Variants in MPRIP observed in about 807,000 individuals in gnomAD.
The protein encoded by MPRIP is myosin phosphatase Rho interacting protein.
MPRIP carries 59 observed loss-of-function variants against 234.9 expected under a neutral mutation model. The observed-to-expected ratio is 0.25, with a 90% CI of 0.20 to 0.31. The LOEUF is 0.31. Among genes scored for constraint, MPRIP ranks in the 10% least tolerant of loss-of-function variants. The probability of loss-of-function intolerance (pLI) is 1.00; values close to 1 mark genes in which losing one functional copy is unlikely to be tolerated. For synonymous variants in MPRIP, 1,144 were observed against 1,263.9 expected, an observed-to-expected ratio of 0.91 and a Z score of 2.01; for missense variants, 2,436 against 3,071.0, an observed-to-expected ratio of 0.79 and a Z score of 4.89.
chr17:17,095,336 C>G (rs1000140096), intron 3 of MPRIP, among the ~76,000 whole-genome samples: 1 of 152,130 alleles, frequency 6.6e-6, no homozygotes, highest in Admixed American at 6.5e-5. Flanking sequence ...GTAGGAATAT[C>G]GACTGGCAGG....
chr17:17,162,680 A>G (rs1206345709), intron 15 of MPRIP, among the ~76,000 whole-genome samples: 1 of 152,218 alleles, frequency 6.6e-6, no homozygotes, highest in African/African-American at 2.4e-5. Context: ...CTGGCTTCAA[A>G]TCAGGTAGTA....
At chr17:17,117,231 C>T (rs540222563) in intron 3 of MPRIP, among the ~76,000 whole-genome samples, 3 of 152,358 alleles carry the variant, frequency 2.0e-5, no homozygotes, top group South Asian at 2.1e-4. Flanking sequence ...AAGCAGCAGG[C>T]GGCACGGGTG....
chr17:17,184,732 C>A (rs2046440426), intron 23 of MPRIP, 91 bp from the exon 24 acceptor site: 2 of 938,148 alleles, frequency 2.1e-6, no homozygotes, highest in Non-Finnish European at 3.4e-6. Context: ...CTGATGCCGG[C>A]TCCACCAGCG....
At chr17:17,074,496 A>C (rs4073940) in intron 1 of MPRIP, among the ~76,000 whole-genome samples, 19,384 of 152,194 alleles carry the variant, frequency 0.13, 1,955 homozygotes, top group African/African-American at 0.27. Flanking sequence ...TATAATTCAC[A>C]TATCTTAAGA....
At chr17:17,053,095 G>C (rs906396186) in intron 1 of MPRIP, among the ~76,000 whole-genome samples, 1 of 152,034 alleles carries the variant, frequency 6.6e-6, no homozygotes, top group Admixed American at 6.5e-5. Context: ...AGGCTCAGGA[G>C]CCTCAGGGCC....
At position 17,173,422 on chromosome 17, in the gene MPRIP, G is replaced by A. The variant is rs144253948; in HGVS notation, c.6591-494G>A. On this transcript the variant is annotated intron_variant, in intron 18 of 23. Coordinates refer to ENST00000651222, the MANE Select transcript of MPRIP (RefSeq NM_001364716.4). ...TCAGCAGCACCCTGTAGAGGCTCAC[G>A]CTGACCTTGGTCAGAGCAGGGTGGC... Among the ~76,000 whole-genome samples the A allele has an allele frequency of 4.9e-3, 740 of 152,326 alleles. 6 individuals carry two copies. Among genetic ancestry groups the A allele is most frequent in the African/African-American group, 0.017 (701 of 41,566 alleles).
At chr17:17,080,963 T>C (rs1437405152) in intron 3 of MPRIP, among the ~76,000 whole-genome samples, 4 of 152,194 alleles carry the variant, frequency 2.6e-5, no homozygotes, top group Non-Finnish European at 5.9e-5. Flanking sequence ...TGTGTGTGTG[T>C]GTACCAGGGA....
At chr17:17,136,719 A>G (rs1358819216) in intron 6 of MPRIP, among the ~76,000 whole-genome samples, 1 of 152,212 alleles carries the variant, frequency 6.6e-6, no homozygotes. Context: ...GCTTGTCAGG[A>G]GAATCAAAAA....
intron 4 of MPRIP, among the ~76,000 whole-genome samples, chr17:17,128,192 G>A (rs2090530196): frequency 6.6e-6 from 1 of 152,182 alleles, no homozygotes; most frequent in Admixed American, 6.5e-5. Context: ...CACAGCCGAG[G>A]CTTCCTCTGC....
rs1237475807 is a variant in MPRIP, at chr17:17,186,160, G to C, written c.*1266G>C. 4 of 152,280 alleles carry C rather than the reference G, an allele frequency of 2.6e-5. No homozygotes were observed. Among genetic ancestry groups the C allele is most frequent in the Admixed American group, 6.5e-5 (1 of 15,278 alleles). 9.4% of individuals were successfully genotyped at this position (152,280 alleles called of 1,614,324 possible). ...GGTGGAACAGGTTCTGCTACTTTAG[G>C]AGCAAGGTGGGGTGTGAGTAGATGG... On this transcript the variant is annotated 3_prime_UTR_variant, in exon 24 of 24. Coordinates refer to ENST00000651222, the MANE Select transcript of MPRIP (RefSeq NM_001364716.4).
Position 17,187,763 on chromosome 17 carries a change from G to A in MPRIP, c.*2869G>A, listed in dbSNP as rs1056398064. 6.6e-5 allele frequency: 10 copies of A among 152,306 alleles called. No homozygotes were observed. Among genetic ancestry groups the A allele is most frequent in the African/African-American group, 2.4e-4 (10 of 41,464 alleles). The allele number at this position is 152,306 out of a possible 1,614,324, so 9.4% of individuals were successfully genotyped here. A position where few individuals can be genotyped will look rare whatever the true frequency, so the allele number is the denominator to read the frequency against. On this transcript the variant is annotated 3_prime_UTR_variant, in exon 24 of 24. Coordinates refer to ENST00000651222, the MANE Select transcript of MPRIP (RefSeq NM_001364716.4). The stretch of plus-strand genomic sequence containing the variant: ...AGAGGGAAGAAAGAAGAACAGTGAA[G>A]AAGTAGAACTGGTTTCTGTATGGGG...
intron 11 of MPRIP, among the ~76,000 whole-genome samples, chr17:17,148,649 A>C (rs1361279276): frequency 2.0e-5 from 3 of 152,220 alleles, no homozygotes; most frequent in East Asian, 1.9e-4. Flanking sequence ...TGCATACTAG[A>C]GTGTGCAGGC....
chr17:17,046,058 G>A (rs2088340072), intron 1 of MPRIP, among the ~76,000 whole-genome samples: 1 of 152,282 alleles, frequency 6.6e-6, no homozygotes, highest in Non-Finnish European at 1.5e-5. Flanking sequence ...GCCTGCCTCG[G>A]CCTCCCAAAG....
chr17:17,165,742 A>G lies in MPRIP; in HGVS notation c.4151A>G (p.His1384Arg). 1 of 1,304,642 alleles carries G rather than the reference A, an allele frequency of 7.7e-7. No individual in the cohort carries two copies. Among genetic ancestry groups the G allele is most frequent in the Non-Finnish European group, 1.0e-6 (1 of 988,924 alleles). The allele number at this position is 1,304,642 out of a possible 1,614,324, so 80.8% of individuals were successfully genotyped here. ...GDSDTYLSII[H>R]SLETKLYVTE... ...TCTGACACGTACCTCTCCATCATCC[A>G]CTCCCTGGAGACCAAGCTCTACGTC... is the stretch of plus-strand genomic sequence containing the variant. The change falls in exon 16 of 24, where the codon CAC becomes CGC. Residue 1384 changes from histidine (H) to arginine (R), a missense_variant. His to Arg is a conservative substitution (Grantham distance 29). Transcript: ENST00000651222.
intron 11 of MPRIP, among the ~76,000 whole-genome samples, chr17:17,148,189 G>C (rs1056393351): frequency 2.0e-5 from 3 of 152,226 alleles, no homozygotes; most frequent in Non-Finnish European, 2.9e-5. Context: ...AGGAGAGTGT[G>C]GGCGGTGGGC....
chr17:17,119,419 C>T (rs1025948566), intron 3 of MPRIP, among the ~76,000 whole-genome samples: 9 of 152,228 alleles, frequency 5.9e-5, no homozygotes, highest in African/African-American at 2.2e-4. Context: ...CTTGTGCAAA[C>T]AATTGTTAAG....
intron 3 of MPRIP, among the ~76,000 whole-genome samples, chr17:17,095,683 C>T (rs1371049722): frequency 6.6e-6 from 1 of 152,112 alleles, no homozygotes. Context: ...GGCAACCCTC[C>T]GTGCTGGTCA....
In MPRIP at chr17:17,165,009, G is replaced by A; in HGVS notation, c.3418G>A (p.Ala1140Thr). Reference protein sequence around the residue: ...ELREKLRRREADNQSLEHSYQ... With the variant: ...ELREKLRRRETDNQSLEHSYQ... The stretch of plus-strand genomic sequence containing the variant: ...CCGGGAAAAGCTGAGGAGAAGAGAG[G>A]CTGACAACCAGAGCCTGGAGCACTC... Residue 1140 changes from alanine (A) to threonine (T), a missense_variant, in exon 16 of 24, where the codon GCT becomes ACT. Physicochemically the swap from Ala to Thr is moderately conservative, Grantham distance 58 (BLOSUM62 0). Transcript: ENST00000651222. The A allele has an allele frequency of 7.7e-7, 1 of 1,301,772 alleles. No homozygotes were observed. The highest frequency in any genetic ancestry group is 1.0e-6 in the Non-Finnish European group (1 of 988,794). The allele number at this position is 1,301,772 out of a possible 1,614,324, so 80.6% of individuals were successfully genotyped here.
chr17:17,122,262 C>T (rs1392152164), intron 3 of MPRIP, among the ~76,000 whole-genome samples: 1 of 152,202 alleles, frequency 6.6e-6, no homozygotes. Context: ...CTAATTTACA[C>T]TCCCACCAAC....
Sources: gnomAD v4.1 joint callset for allele counts (sites outside exome capture counted in the v4.1 genomes callset) on GRCh38, gnomAD v4.1.1 for gene constraint, MANE v1.5 for transcripts, NCBI Gene and HGNC (gene_info 2026-07-23, HGNC 2026-07-21) for gene names.